Variants in MDN1 observed in about 807,000 individuals in gnomAD.
The protein encoded by MDN1 is midasin.
A neutral mutation model predicts 669.2 loss-of-function variants in MDN1; 266 were observed. That is an observed-to-expected ratio of 0.40 (90% CI 0.36 to 0.44). The LOEUF (loss-of-function observed/expected upper bound fraction) is 0.44, where lower values mean the gene tolerates loss of function less well. MDN1 is among the 20% of genes least tolerant of loss of function. The probability of loss-of-function intolerance (pLI) is 1.00; values close to 1 mark genes in which losing one functional copy is unlikely to be tolerated. For synonymous variants in MDN1, 2,385 were observed against 2,457.1 expected, an observed-to-expected ratio of 0.97 and a Z score of 0.87; for missense variants, 5,940 against 6,754.0, an observed-to-expected ratio of 0.88 and a Z score of 4.22.
At chr6:89,735,626 G>T (rs904574405) in intron 33 of MDN1, among the ~76,000 whole-genome samples, 1 of 152,060 alleles carries the variant, frequency 6.6e-6, no homozygotes, top group African/African-American at 2.4e-5. Flanking sequence ...GAGAAATTAA[G>T]TAGAACCCAC....
At chr6:89,811,060 A>G (rs1363181939) in intron 1 of MDN1, among the ~76,000 whole-genome samples, 1 of 152,228 alleles carries the variant, frequency 6.6e-6, no homozygotes, top group Non-Finnish European at 1.5e-5. Context: ...AAATAGGGTC[A>G]CATTCAGGTA....
intron 84 of MDN1, 141 bp from the exon 85 acceptor site, chr6:89,664,769 T>C: frequency 4.8e-6 from 3 of 628,942 alleles, no homozygotes; most frequent in South Asian, 5.7e-5. Flanking sequence ...GACAGCCACA[T>C]GGAATTTGTA....
chr6:89,809,613 T>G (rs1295116799), intron 1 of MDN1, among the ~76,000 whole-genome samples: 3 of 151,556 alleles, frequency 2.0e-5, no homozygotes, highest in African/African-American at 7.3e-5. Flanking sequence ...CCATCTCTAC[T>G]AAAGGCACAA....
chr6:89,807,076 C>T (rs1334132744), intron 1 of MDN1, among the ~76,000 whole-genome samples: 2 of 151,872 alleles, frequency 1.3e-5, no homozygotes, highest in Non-Finnish European at 2.9e-5. Flanking sequence ...CTGTCTTAAG[C>T]AAACATTGTT....
At chr6:89,769,440 A>C (rs1817974551) in intron 15 of MDN1, among the ~76,000 whole-genome samples, 1 of 152,190 alleles carries the variant, frequency 6.6e-6, no homozygotes, top group Non-Finnish European at 1.5e-5. Context: ...CTGTAATCTC[A>C]ACACTTCAGG....
At chr6:89,654,104 G>C in intron 93 of MDN1, 60 bp downstream of exon 93, 1 of 1,577,014 alleles carries the variant, frequency 6.3e-7, no homozygotes, top group Non-Finnish European at 8.7e-7. Flanking sequence ...TATAGTGAGA[G>C]AGAACTGACT....
chr6:89,815,674 A>T (rs1205311448), intron 1 of MDN1, among the ~76,000 whole-genome samples: 1 of 152,142 alleles, frequency 6.6e-6, no homozygotes, highest in Non-Finnish European at 1.5e-5. Flanking sequence ...TGGGTTTAGT[A>T]ATGCATCGTA....
chr6:89,749,826 C>A, intron 24 of MDN1, 75 bp from the exon 25 acceptor site: 1 of 1,178,246 alleles, frequency 8.5e-7, no homozygotes, highest in South Asian at 1.4e-5. Flanking sequence ...TACAAATCAA[C>A]AAATCCTAGG....
In MDN1 at chr6:89,790,151, C is replaced by T. The variant is rs1414266634; in HGVS notation, c.1098+8G>A. Reference sequence around the variant, plus strand: ...ACAAGCCACCAAAACTTAACATTTCCTTATTACCTTACTGTCAGTCTGATC... The same window carrying T: ...ACAAGCCACCAAAACTTAACATTTCTTTATTACCTTACTGTCAGTCTGATC... On this transcript the variant is annotated splice_region_variant and intron_variant, in intron 6 of 101. Coordinates refer to ENST00000369393, the MANE Select transcript of MDN1 (RefSeq NM_014611.3). 6.2e-7 allele frequency: 1 copy of T among 1,613,752 alleles called. No individual in the cohort carries two copies. The highest frequency in any genetic ancestry group is 2.2e-5 in the East Asian group (1 of 44,890).
At chr6:89,790,053 T>A in intron 6 of MDN1, 106 bp downstream of exon 6, 1 of 1,591,864 alleles carries the variant, frequency 6.3e-7, no homozygotes, top group Non-Finnish European at 8.6e-7. Context: ...CCAACAGTTA[T>A]AAGCAAGACC....
At chr6:89,788,069 A>T in intron 7 of MDN1, 112 bp from the exon 8 acceptor site, 5 of 912,454 alleles carry the variant, frequency 5.5e-6, no homozygotes, top group Non-Finnish European at 6.7e-6. Context: ...AGGAAACGTC[A>T]GCTCTCATAG....
intron 5 of MDN1, among the ~76,000 whole-genome samples, chr6:89,792,470 A>T (rs1819319705): frequency 6.6e-6 from 1 of 152,028 alleles, no homozygotes. Flanking sequence ...TAATGCCCTA[A>T]ACATAATCTA....
At position 89,674,540 on chromosome 6, in the gene MDN1, G is replaced by A; in HGVS notation, c.12811C>T (p.Gln4271Ter). The change falls in exon 79 of 102, where the codon CAG (glutamine) becomes TAG (stop). Residue 4271 changes from glutamine (Q) to a stop codon, truncating the protein, a stop_gained. Transcript: ENST00000369393. LOFTEE classifies it high-confidence loss of function. ...QEIHSRLMGPQAYPVAFPPQD... is the reference protein window; with the variant it reads ...QEIHSRLMGP Reference sequence around the variant, plus strand: ...GGGGGGAAGGCCACGGGGTAGGCCTGGGGCCCCATCAGCCTGCTGTGAATC... The same window carrying A: ...GGGGGGAAGGCCACGGGGTAGGCCTAGGGCCCCATCAGCCTGCTGTGAATC... The A allele has an allele frequency of 1.9e-6, 3 of 1,599,722 alleles. No individual in the cohort carries two copies. The highest frequency in any genetic ancestry group is 2.5e-6 in the Non-Finnish European group (3 of 1,176,992).
At chr6:89,743,532 C>A (rs1408055138) in intron 30 of MDN1, 44 bp downstream of exon 30, 1 of 1,593,982 alleles carries the variant, frequency 6.3e-7, no homozygotes, top group Non-Finnish European at 8.5e-7. Flanking sequence ...GCACAGCTAA[C>A]TGCAGTTTTT....
chr6:89,777,749 G>A (rs1314297439), intron 11 of MDN1, among the ~76,000 whole-genome samples: 1 of 152,026 alleles, frequency 6.6e-6, no homozygotes, highest in Non-Finnish European at 1.5e-5. Flanking sequence ...AACCCCACCT[G>A]ACTCAGTTAC....
intron 65 of MDN1, 137 bp from the exon 66 acceptor site, chr6:89,688,945 A>G (rs1030942811): frequency 2.9e-6 from 2 of 678,724 alleles, no homozygotes; most frequent in South Asian, 1.9e-5. Context: ...CGAGGCAGGC[A>G]GATTGCTTGA....
intron 9 of MDN1, among the ~76,000 whole-genome samples, chr6:89,782,453 T>C (rs1818723273): frequency 6.6e-6 from 1 of 151,674 alleles, no homozygotes; most frequent in African/African-American, 2.4e-5. Context: ...CTGGGCAGGG[T>C]GGCACACACC....
chr6:89,713,962 C>G (rs2128312252), intron 46 of MDN1, among the ~76,000 whole-genome samples: 1 of 151,322 alleles, frequency 6.6e-6, no homozygotes, highest in East Asian at 1.9e-4. Context: ...TGGCATGAAC[C>G]TGGGAGGCGG....
intron 7 of MDN1, among the ~76,000 whole-genome samples, chr6:89,788,794 T>C (rs754542684): frequency 1.4e-4 from 22 of 152,064 alleles, no homozygotes; most frequent in Non-Finnish European, 2.9e-5. Flanking sequence ...GTAGACAAAA[T>C]AAGCCAGTGC....
Sources: gnomAD v4.1 joint callset for allele counts (sites outside exome capture counted in the v4.1 genomes callset) on GRCh38, gnomAD v4.1.1 for gene constraint, MANE v1.5 for transcripts, NCBI Gene and HGNC (gene_info 2026-07-23, HGNC 2026-07-21) for gene names.